The following LETM1 variants were observed in gnomAD, a reference collection of about 807,000 sequenced individuals.
LETM1 encodes leucine zipper and EF-hand containing transmembrane protein 1.
A neutral mutation model predicts 74.5 loss-of-function variants in LETM1; 50 were observed. The ratio of observed to expected loss-of-function variants is 0.67; its 90% confidence interval spans 0.53 to 0.85. The LOEUF is 0.85. Ranked by LOEUF, LETM1 falls within the 40% of genes least tolerant of loss-of-function variation. The pLI is 0.00. For synonymous variants in LETM1, 446 were observed against 407.1 expected, an observed-to-expected ratio of 1.10 and a Z score of -1.15; for missense variants, 824 against 967.8, an observed-to-expected ratio of 0.85 and a Z score of 1.97.
intron 4 of LETM1, among the ~76,000 whole-genome samples, chr4:1,835,480 C>CAA (rs112953864): frequency 1.3e-5 from 2 of 151,472 alleles, no homozygotes; most frequent in African/African-American, 4.9e-5. Context: ...AACAAACAAA[C>CAA]AAACAAAAAC....
Position 1,832,727 on chromosome 4 carries a change from A to C in LETM1, c.1080+17T>G. On this transcript the variant is annotated intron_variant, in intron 6 of 13. Coordinates refer to ENST00000302787, the MANE Select transcript of LETM1 (RefSeq NM_012318.3). Reference sequence around the variant, plus strand: ...GTAAAACACCAGAGCTGTGGCGCGGAGTATGGCCAGGCTCACCTTGTCGTC... The same window carrying C: ...GTAAAACACCAGAGCTGTGGCGCGGCGTATGGCCAGGCTCACCTTGTCGTC... The C allele has an allele frequency of 6.2e-7, 1 of 1,611,702 alleles. No homozygotes were observed. The highest frequency in any genetic ancestry group is 8.5e-7 in the Non-Finnish European group (1 of 1,177,886).
intron 2 of LETM1, chr4:1,846,690 G>A (rs1229408583): frequency 6.6e-6 from 1 of 152,168 alleles, no homozygotes; most frequent in African/African-American, 2.4e-5. Context: ...AACATCATAT[G>A]TCACAAACAC....
rs1712331393 is a variant in LETM1 at position 1,832,973 on chromosome 4, C to A, written c.877-26G>T. 4 of 1,608,604 alleles carry A rather than the reference C, an allele frequency of 2.5e-6. No homozygotes were observed. The South Asian group carries it at 3.3e-5, about 13-fold the overall frequency. On this transcript the variant is annotated intron_variant, in intron 5 of 13. Coordinates refer to ENST00000302787, the MANE Select transcript of LETM1 (RefSeq NM_012318.3). ...CTGCGGAAGTGGTCACAAGGGTCAT[C>A]CCCGGGACACGCGCCCACCCGGCTC...
chr4:1,828,728 G>C (rs1194643029), intron 6 of LETM1, among the ~76,000 whole-genome samples: 1 of 133,582 alleles, frequency 7.5e-6, no homozygotes, highest in East Asian at 2.4e-4. Flanking sequence ...TGGCCGGGCA[G>C]AGGGGCTCCC....
chr4:1,826,520 C>T (rs1280940974), intron 6 of LETM1, among the ~76,000 whole-genome samples: 2 of 152,234 alleles, frequency 1.3e-5, no homozygotes, highest in Non-Finnish European at 2.9e-5. Context: ...CGGTGCTGCC[C>T]GTTCACAGAC....
At chr4:1,822,099 T>TC in intron 10 of LETM1, 82 bp downstream of exon 10, 1 of 1,304,002 alleles carries the variant, frequency 7.7e-7, no homozygotes, top group South Asian at 2.5e-5. Context: ...AGCTAACCTG[T>TC]CCCCATCCCT....
intron 9 of LETM1, 186 bp downstream of exon 9, chr4:1,822,802 C>T (rs1711832420): frequency 1.3e-5 from 6 of 467,524 alleles, no homozygotes; most frequent in Admixed American, 4.4e-5. Context: ...CGGGGAGTCC[C>T]CATGTCAGAG....
rs539165109 is a variant in LETM1, at chr4:1,840,182, A to G, written c.594+1165T>C. 2.0e-5 allele frequency among the ~76,000 whole-genome samples: 3 copies of G among 152,314 alleles called. No homozygotes were observed. The South Asian group carries it at 6.2e-4, about 32-fold the overall frequency. On this transcript the variant is annotated intron_variant, in intron 3 of 13. Transcript: ENST00000302787. ...CACTTGAGGCCAGGAGTTCGAGAGC[A>G]GCCTGGCCAACGCGGTGAAACCCCT...
chr4:1,827,300 A>AT (rs1255245863), intron 6 of LETM1, among the ~76,000 whole-genome samples: 3 of 77,590 alleles, frequency 3.9e-5, no homozygotes, highest in East Asian at 6.7e-4. Flanking sequence ...TTTTTAATTT[A>AT]TTTTTTTATT....
intron 9 of LETM1, chr4:1,822,715 G>A: frequency 2.7e-6 from 1 of 372,796 alleles, no homozygotes; most frequent in Non-Finnish European, 4.7e-6. Context: ...CTGAGGAGAG[G>A]GTGGGCACTG....
intron 3 of LETM1, among the ~76,000 whole-genome samples, chr4:1,837,656 A>C (rs750705722): frequency 2.6e-4 from 39 of 151,868 alleles, no homozygotes; most frequent in Admixed American, 5.9e-4. Flanking sequence ...ATTTTTGGTA[A>C]ATTTATACAT....
At chr4:1,825,765 T>C (rs1238100146) in intron 6 of LETM1, 82 bp from the exon 7 acceptor site, 3 of 1,468,294 alleles carry the variant, frequency 2.0e-6, no homozygotes, top group Admixed American at 2.1e-5. Context: ...CCAGAATAAG[T>C]GGCTAACAGA....
Position 1,825,692 on chromosome 4 carries a change from C to G in LETM1, c.1081-9G>C, listed in dbSNP as rs766654856. The G allele has an allele frequency of 1.9e-6, 3 of 1,609,898 alleles. No homozygotes were observed. The highest frequency in any genetic ancestry group is 4.5e-5 in the East Asian group (2 of 44,694). ...CCTTCCTCAGCAATCAGCTAGAAAA[C>G]AAAGCAGTGAATTATCATCTGGGAC... On this transcript the variant is annotated splice_polypyrimidine_tract_variant and intron_variant, in intron 6 of 13. Coordinates refer to ENST00000302787, the MANE Select transcript of LETM1 (RefSeq NM_012318.3).
chr4:1,855,822 AC>A, intron 1 of LETM1, 46 bp downstream of exon 1: 1 of 1,111,310 alleles, frequency 9.0e-7, no homozygotes, highest in Non-Finnish European at 1.1e-6. Flanking sequence ...CGCGCTCCCG[AC>A]CCACCAGCCG....
At chr4:1,825,510 C>G (rs200768234) in intron 7 of LETM1, 54 bp downstream of exon 7, 54 of 1,579,768 alleles carry the variant, frequency 3.4e-5, no homozygotes, top group Non-Finnish European at 4.5e-5. Context: ...CCTTTCGAGG[C>G]TGATGTTTCC....
In LETM1 at chr4:1,835,100, C is replaced by G. The variant is rs573966584; in HGVS notation, c.739-118G>C. 911 of 937,072 alleles carry G rather than the reference C, an allele frequency of 9.7e-4. 7 individuals are homozygous for G. The highest frequency in any genetic ancestry group is 8.3e-3 in the African/African-American group (507 of 60,826). The allele number at this position is 937,072 out of a possible 1,614,324, so 58.0% of individuals were successfully genotyped here. A position where few individuals can be genotyped will look rare whatever the true frequency, so the allele number is the denominator to read the frequency against. ...AGAAACATTTCACAACACACTGACTCTCATCTAAGTGCAATACATTCTCAA... is the reference window on the plus strand; with the variant it reads ...AGAAACATTTCACAACACACTGACTGTCATCTAAGTGCAATACATTCTCAA... On this transcript the variant is annotated intron_variant, in intron 4 of 13. Transcript: ENST00000302787.
intron 11 of LETM1, 94 bp downstream of exon 11, chr4:1,819,244 G>A: frequency 2.3e-6 from 3 of 1,279,742 alleles, no homozygotes; most frequent in Non-Finnish European, 3.2e-6. Context: ...AGCTTATCAA[G>A]TATCTGACGG....
chr4:1,841,656 A>G lies in LETM1; in HGVS notation c.285T>C (p.Phe95=). 3.1e-6 allele frequency: 5 copies of G among 1,614,226 alleles called. No homozygotes were observed. The highest frequency in any genetic ancestry group is 4.2e-6 in the Non-Finnish European group (5 of 1,180,042). ...RAPWTSTSVG[F]VAVGPQCLPV... The stretch of plus-strand genomic sequence containing the variant: ...GAAGGCACTGAGGTCCCACAGCCAC[A>G]AAACCCACAGAGGTAGAGGTCCATG... Residue 95 remains phenylalanine, a synonymous_variant, in exon 3 of 14, where the codon TTT becomes TTC. Coordinates refer to ENST00000302787, the MANE Select transcript of LETM1 (RefSeq NM_012318.3).
chr4:1,853,065 T>C (rs1378749551), intron 1 of LETM1, among the ~76,000 whole-genome samples: 1 of 152,138 alleles, frequency 6.6e-6, no homozygotes, highest in African/African-American at 2.4e-5. Context: ...ACAGGTCTGA[T>C]GGGCACGGCA....
Sources: allele counts gnomAD v4.1 joint callset (sites outside exome capture counted in the v4.1 genomes callset), GRCh38; gene constraint gnomAD v4.1.1; transcripts MANE v1.5; gene names NCBI Gene and HGNC (gene_info 2026-07-23, HGNC 2026-07-21).